The following SPAG16 variants were observed in gnomAD, a reference collection of about 807,000 sequenced individuals.
SPAG16 encodes sperm associated antigen 16.
Under a neutral mutation model 80.4 loss-of-function variants are expected in SPAG16, and 86 were observed. The ratio of observed to expected loss-of-function variants is 1.07; its 90% CI spans 0.90 to 1.28. The LOEUF (loss-of-function observed/expected upper bound fraction) is 1.28, where lower values mean the gene tolerates loss of function less well. Among genes scored for constraint, SPAG16 ranks in the 50% most tolerant of loss-of-function variants. The pLI is 0.00. For synonymous variants in SPAG16, 294 were observed against 265.9 expected (o/e 1.11, Z -1.03); for missense variants, 870 against 765.3 (o/e 1.14, Z -1.61).
intron 15 of SPAG16, among the ~76,000 whole-genome samples, chr2:214,329,161 C>T (rs887140326): frequency 6.6e-6 from 1 of 152,212 alleles, no homozygotes; most frequent in African/African-American, 2.4e-5. Flanking sequence ...ACAAAGCTGT[C>T]TTTGAAGCTG....
intron 10 of SPAG16, among the ~76,000 whole-genome samples, chr2:213,653,875 C>A (rs1227533679): frequency 6.6e-6 from 1 of 152,064 alleles, no homozygotes; most frequent in Admixed American, 6.5e-5. Flanking sequence ...GTTACCATTT[C>A]TTTTCCATAC....
intron 13 of SPAG16, among the ~76,000 whole-genome samples, chr2:214,056,398 T>C (rs1359129530): frequency 6.6e-6 from 1 of 151,462 alleles, no homozygotes; most frequent in Non-Finnish European, 1.5e-5. Flanking sequence ...ACTACCACAA[T>C]AAAGCAAGTC....
intron 9 of SPAG16, among the ~76,000 whole-genome samples, chr2:213,407,117 A>G (rs904690743): frequency 6.6e-6 from 1 of 152,088 alleles, no homozygotes; most frequent in Non-Finnish European, 1.5e-5. Flanking sequence ...AATGATCACA[A>G]ACAACCCTGC....
At chr2:214,235,040 C>G (rs1688981646) in intron 15 of SPAG16, among the ~76,000 whole-genome samples, 1 of 152,058 alleles carries the variant, frequency 6.6e-6, no homozygotes, top group African/African-American at 2.4e-5. Flanking sequence ...TTATGACCCT[C>G]TTGAAAATAA....
chr2:214,306,917 A>C lies in SPAG16; in HGVS notation c.1721-103223A>C, dbSNP rs184905484. 1.8e-3 allele frequency among the ~76,000 whole-genome samples: 273 copies of C among 152,102 alleles called. 2 individuals are homozygous for C. Among genetic ancestry groups the C allele is most frequent in the African/African-American group, 6.0e-3 (247 of 41,492 alleles). ...GGCCTCATAGAATGAATTAGGGGGG[A>C]GTCCCTCCCCTCAGTTTTTTGGAGT... On this transcript the variant is annotated intron_variant, in intron 15 of 15. Coordinates refer to ENST00000331683, the MANE Select transcript of SPAG16 (RefSeq NM_024532.5).
chr2:213,955,215 G>T (rs1266658251), intron 12 of SPAG16, among the ~76,000 whole-genome samples: 1 of 151,870 alleles, frequency 6.6e-6, no homozygotes, highest in Admixed American at 6.6e-5. Flanking sequence ...CTTGTACTTT[G>T]GGTGTTGCAT....
At chr2:213,674,649 C>G (rs1476943033) in intron 10 of SPAG16, among the ~76,000 whole-genome samples, 1 of 149,466 alleles carries the variant, frequency 6.7e-6, no homozygotes, top group Non-Finnish European at 1.5e-5. Context: ...GTTTTTTGTC[C>G]TTGCGATAGT....
intron 10 of SPAG16, among the ~76,000 whole-genome samples, chr2:213,509,792 G>GC (rs2075149302): frequency 6.6e-6 from 1 of 152,156 alleles, no homozygotes; most frequent in Non-Finnish European, 1.5e-5. Context: ...TCAAAAACTA[G>GC]CAGAAGGCAA....
intron 13 of SPAG16, among the ~76,000 whole-genome samples, chr2:214,025,140 C>T (rs991367953): frequency 2.0e-5 from 3 of 151,576 alleles, no homozygotes; most frequent in Admixed American, 6.6e-5. Flanking sequence ...GGGTCAGTTA[C>T]GTTTTTCTAT....
intron 15 of SPAG16, among the ~76,000 whole-genome samples, chr2:214,207,823 C>A (rs1228538844): frequency 1.3e-5 from 2 of 152,186 alleles, no homozygotes; most frequent in African/African-American, 4.8e-5. Context: ...AGCTGGCTTG[C>A]CAAGTCTTCT....
chr2:213,895,582 A>G (rs1240521413), intron 11 of SPAG16, among the ~76,000 whole-genome samples: 1 of 152,196 alleles, frequency 6.6e-6, no homozygotes, highest in Non-Finnish European at 1.5e-5. Context: ...GGAACAGAAT[A>G]GAAGACCCAG....
chr2:213,851,820 T>C (rs2074925775), intron 10 of SPAG16, among the ~76,000 whole-genome samples: 1 of 152,126 alleles, frequency 6.6e-6, no homozygotes, highest in African/African-American at 2.4e-5. Flanking sequence ...GTCCACAAAC[T>C]GTGAAAAAAC....
At chr2:214,018,727 C>T (rs1274139065) in intron 13 of SPAG16, among the ~76,000 whole-genome samples, 1 of 152,106 alleles carries the variant, frequency 6.6e-6, no homozygotes, top group Non-Finnish European at 1.5e-5. Flanking sequence ...TCAATGTGAT[C>T]AGTTACTATT....
intron 9 of SPAG16, among the ~76,000 whole-genome samples, chr2:213,476,882 C>G (rs546954061): frequency 6.6e-5 from 10 of 152,282 alleles, no homozygotes; most frequent in African/African-American, 1.7e-4. Context: ...CATTCTTGTC[C>G]TGTGACCAAA....
chr2:213,822,491 C>T (rs929658982), intron 10 of SPAG16, among the ~76,000 whole-genome samples: 1 of 152,128 alleles, frequency 6.6e-6, no homozygotes, highest in African/African-American at 2.4e-5. Context: ...TGACTCTTCA[C>T]TGTGTTGATT....
At chr2:214,213,551 G>C (rs748831615) in intron 15 of SPAG16, among the ~76,000 whole-genome samples, 7 of 152,136 alleles carry the variant, frequency 4.6e-5, no homozygotes, top group Admixed American at 2.6e-4. Context: ...TTGACATTTT[G>C]AGTTTAATAT....
intron 10 of SPAG16, among the ~76,000 whole-genome samples, chr2:213,834,556 G>A (rs1054039873): frequency 6.6e-6 from 1 of 152,126 alleles, no homozygotes; most frequent in Admixed American, 6.6e-5. Context: ...CTCACTTTCA[G>A]GACAGATGAG....
At chr2:213,744,967 A>G (rs1376355578) in intron 10 of SPAG16, among the ~76,000 whole-genome samples, 1 of 152,120 alleles carries the variant, frequency 6.6e-6, no homozygotes, top group African/African-American at 2.4e-5. Context: ...AAAGTTTTAT[A>G]CTCATTTATG....
chr2:213,695,783 C>T (rs1228553907), intron 10 of SPAG16, among the ~76,000 whole-genome samples: 1 of 152,162 alleles, frequency 6.6e-6, no homozygotes, highest in East Asian at 1.9e-4. Context: ...TTCATCAATG[C>T]ACATGCAGTT....
Sources: allele counts gnomAD v4.1 joint callset (sites outside exome capture counted in the v4.1 genomes callset), GRCh38; gene constraint gnomAD v4.1.1; transcripts MANE v1.5; gene names NCBI Gene and HGNC (gene_info 2026-07-23, HGNC 2026-07-21).